The following HEATR4 variants were observed in gnomAD, a reference collection of about 807,000 sequenced individuals.
HEATR4 encodes the protein HEAT repeat containing 4.
Under a neutral mutation model 108.8 loss-of-function variants are expected in HEATR4, and 95 were observed. That is an observed-to-expected ratio of 0.87 (90% CI 0.74 to 1.04). HEATR4 has a LOEUF of 1.04. Ranked by LOEUF, HEATR4 falls within the 50% of genes least tolerant of loss-of-function variation. The probability of loss-of-function intolerance (pLI) is 0.00; values close to 1 mark genes in which losing one functional copy is unlikely to be tolerated. For synonymous variants in HEATR4, 443 were observed against 459.4 expected (o/e 0.96, Z 0.46); for missense variants, 1,152 against 1,253.8 (o/e 0.92, Z 1.23).
At chr14:73,624,380 C>T in the HEATR4 span, among the ~76,000 whole-genome samples, 7 of 151,984 alleles carry the variant, frequency 4.6e-5, no homozygotes, top group African/African-American at 1.2e-4. Flanking sequence ...CCACCTGCCT[C>T]GGGCTTCCAA....
intron 1 of HEATR4, among the ~76,000 whole-genome samples, chr14:73,535,769 G>A (rs1261517611): frequency 1.8e-5 from 2 of 114,262 alleles, no homozygotes; most frequent in African/African-American, 2.8e-5. Flanking sequence ...GCGAGCCACC[G>A]CGCCTGGCCC....
At chr14:73,496,815 A>C in intron 14 of HEATR4, 136 bp from the exon 15 acceptor site, 3 of 614,394 alleles carry the variant, frequency 4.9e-6, no homozygotes, top group Non-Finnish European at 8.7e-6. Context: ...TGAGCCTTAT[A>C]TGCAAAAATG....
the HEATR4 span, chr14:73,594,023 A>G: frequency 8.8e-6 from 8 of 912,546 alleles, no homozygotes; most frequent in Non-Finnish European, 1.3e-5. Context: ...TCTTCTGGAG[A>G]CTTCCTTGGC....
the HEATR4 span, among the ~76,000 whole-genome samples, chr14:73,590,554 G>C: frequency 2.6e-5 from 4 of 152,240 alleles, no homozygotes; most frequent in Non-Finnish European, 5.9e-5. Flanking sequence ...AGGAGGCTCG[G>C]ACCGCGCAGA....
chr14:73,591,182 G>A, the HEATR4 span, among the ~76,000 whole-genome samples: 11 of 152,280 alleles, frequency 7.2e-5, no homozygotes, highest in East Asian at 1.9e-3. Flanking sequence ...GGGAGGTGGA[G>A]GCTGCAGTGA....
the HEATR4 span, among the ~76,000 whole-genome samples, chr14:73,587,335 G>A: frequency 2.8e-5 from 4 of 145,004 alleles, no homozygotes; most frequent in African/African-American, 5.4e-5. Context: ...TGCTCCCCCC[G>A]CTCCCCTTTT....
chr14:73,555,959 C>T lies in HEATR4; in HGVS notation c.-152+2792G>A, dbSNP rs1222605297. On this transcript the variant is annotated intron_variant, in intron 1 of 17. Transcript: ENST00000553558. ...AGCAGAGGTTGCAGCGAGCCGAGATCGTGCCACCGCACTCCAGCCTGGATA... is the reference window on the plus strand; with the variant it reads ...AGCAGAGGTTGCAGCGAGCCGAGATTGTGCCACCGCACTCCAGCCTGGATA... Among the ~76,000 whole-genome samples the T allele has an allele frequency of 7.1e-5, 8 of 112,074 alleles. 4 individuals are homozygous for T. The highest frequency in any genetic ancestry group is 1.6e-4 in the Non-Finnish European group (8 of 51,154). 73.5% of individuals were successfully genotyped at this position (112,074 alleles called of 152,430 possible).
the HEATR4 span, chr14:73,612,625 G>C: frequency 3.5e-6 from 5 of 1,408,594 alleles, no homozygotes; most frequent in Non-Finnish European, 4.6e-6. Flanking sequence ...GGGACGAGCC[G>C]CTGCGCATCG....
chr14:73,511,151 A>C (rs1887226630), intron 7 of HEATR4, among the ~76,000 whole-genome samples: 1 of 152,166 alleles, frequency 6.6e-6, no homozygotes, highest in Non-Finnish European at 1.5e-5. Flanking sequence ...TTTTATAGAT[A>C]GGTAATTTGA....
chr14:73,518,585 G>A (rs1384272215), intron 5 of HEATR4, among the ~76,000 whole-genome samples: 1 of 152,136 alleles, frequency 6.6e-6, no homozygotes, highest in East Asian at 1.9e-4. Context: ...TTGTCTTACA[G>A]AGTGAAGAAT....
chr14:73,511,592 T>C (rs114847159), intron 7 of HEATR4, among the ~76,000 whole-genome samples: 2,847 of 151,568 alleles, frequency 0.019, 106 homozygotes, highest in African/African-American at 0.065. Context: ...AATGGGCTCT[T>C]GGCTGGGCAC....
intron 2 of HEATR4, among the ~76,000 whole-genome samples, chr14:73,523,653 T>C (rs910570537): frequency 6.6e-6 from 1 of 152,214 alleles, no homozygotes; most frequent in Admixed American, 6.5e-5. Context: ...GTCTCCTGGC[T>C]GTTCTCTGAG....
chr14:73,509,809 CCCATATATATATATATATATAT>C (rs1291532609), intron 7 of HEATR4, among the ~76,000 whole-genome samples: 153 of 5,184 alleles, frequency 0.03, 6 homozygotes, highest in Non-Finnish European at 0.037. Context: ...GCCCCATGAG[CCCATATATATATATATATATAT>C]ATATATATAT....
At chr14:73,488,628 T>G (rs1476564646) in intron 17 of HEATR4, among the ~76,000 whole-genome samples, 5 of 152,102 alleles carry the variant, frequency 3.3e-5, no homozygotes, top group African/African-American at 1.2e-4. Context: ...CTCTACAGCC[T>G]GAGGAACTGT....
the HEATR4 span, chr14:73,568,237 A>C: frequency 1.3e-5 from 2 of 152,074 alleles, no homozygotes; most frequent in Non-Finnish European, 2.9e-5. Context: ...GAGCAGAGGC[A>C]AACACAGGTT....
At chr14:73,604,135 T>C in the HEATR4 span, among the ~76,000 whole-genome samples, 1 of 150,776 alleles carries the variant, frequency 6.6e-6, no homozygotes, top group African/African-American at 2.4e-5. Flanking sequence ...GAAAATCCAG[T>C]AGTTGTAAGA....
chr14:73,631,087 A>G, the HEATR4 span, among the ~76,000 whole-genome samples: 4 of 152,302 alleles, frequency 2.6e-5, no homozygotes, highest in East Asian at 5.8e-4. Flanking sequence ...AATACATTCT[A>G]TCCAGAAATA....
intron 11 of HEATR4, among the ~76,000 whole-genome samples, chr14:73,501,525 T>G (rs1029340830): frequency 8.6e-5 from 13 of 151,258 alleles, no homozygotes; most frequent in African/African-American, 2.9e-4. Context: ...TAGCTGGGAT[T>G]ATAGGCACTT....
the HEATR4 span, among the ~76,000 whole-genome samples, chr14:73,622,598 C>A: frequency 6.6e-6 from 1 of 151,940 alleles, no homozygotes; most frequent in African/African-American, 2.4e-5. Flanking sequence ...AAGGGTTTCT[C>A]CATGTTGGTC....
Sources: gnomAD v4.1 joint callset for allele counts (sites outside exome capture counted in the v4.1 genomes callset) on GRCh38, gnomAD v4.1.1 for gene constraint, MANE v1.5 for transcripts, NCBI Gene and HGNC (gene_info 2026-07-23, HGNC 2026-07-21) for gene names.